Variants in LRMDA observed in about 807,000 individuals in gnomAD.
LRMDA encodes leucine-rich melanocyte differentiation-associated protein.
LRMDA carries 18 observed loss-of-function variants against 29.8 expected under a neutral mutation model. That is an observed-to-expected ratio of 0.60 (90% confidence interval 0.42 to 0.90). LRMDA has a LOEUF of 0.90. Ranked by LOEUF, LRMDA falls within the 40% of genes least tolerant of loss-of-function variation. The pLI is 0.00. For missense variants in LRMDA, 273 were observed against 273.9 expected (o/e 1.00, Z 0.02); for synonymous variants, 125 against 109.4 (o/e 1.14, Z -0.89).
chr10:76,477,813 A>G lies in LRMDA; in HGVS notation c.602-79396A>G, dbSNP rs1338672717. ...ACAAGAAATGGGGAAAGGATTCCCT[A>G]TTTAACAAATGGTGCTGGGAAAACT... On this transcript the variant is annotated intron_variant, in intron 6 of 6. Transcript: ENST00000611255. 5.3e-5 allele frequency among the ~76,000 whole-genome samples: 8 copies of G among 152,330 alleles called. No homozygotes were observed. In the South Asian group the frequency reaches 1.5e-3, roughly 28 times the overall value.
At chr10:75,655,857 C>T (rs1564532085) in intron 2 of LRMDA, among the ~76,000 whole-genome samples, 3 of 152,122 alleles carry the variant, frequency 2.0e-5, no homozygotes, top group South Asian at 2.1e-4. Flanking sequence ...TTGGTTCAAA[C>T]GTGTGTGGAG....
At chr10:76,478,205 G>GA (rs578191133) in intron 6 of LRMDA, among the ~76,000 whole-genome samples, 3,371 of 151,762 alleles carry the variant, frequency 0.022, 126 homozygotes, top group African/African-American at 0.076. Context: ...AAATTTACAA[G>GA]AAAAAAACAA....
At chr10:75,860,988 T>C (rs1844919662) in intron 2 of LRMDA, among the ~76,000 whole-genome samples, 1 of 152,184 alleles carries the variant, frequency 6.6e-6, no homozygotes, top group Non-Finnish European at 1.5e-5. Flanking sequence ...TTTATAGAAA[T>C]AAGGTTATAA....
At chr10:76,036,193 AC>A in intron 3 of LRMDA, 59 bp downstream of exon 3, 2 of 1,496,132 alleles carry the variant, frequency 1.3e-6, no homozygotes, top group Non-Finnish European at 1.8e-6. Context: ...TCGTCCCCCA[AC>A]CCCACCCTGC....
In LRMDA at chr10:76,194,660, T is replaced by A. The variant is rs781428160; in HGVS notation, c.517-129741T>A. On this transcript the variant is annotated intron_variant, in intron 5 of 6. Coordinates refer to ENST00000611255, the MANE Select transcript of LRMDA (RefSeq NM_001305581.2). ...CGTTAGGCTTTGTTCTCTCCAGTGC[T>A]TAAGTTATTCACTGGAAGTGCTCTA... Among the ~76,000 whole-genome samples, 99 of 152,318 alleles carry A rather than the reference T, an allele frequency of 6.5e-4. 2 individuals carry two copies. Among genetic ancestry groups the A allele is most frequent in the Non-Finnish European group, 3.8e-4 (26 of 68,026 alleles).
At chr10:75,864,042 A>G (rs1316832563) in intron 2 of LRMDA, among the ~76,000 whole-genome samples, 6 of 152,202 alleles carry the variant, frequency 3.9e-5, no homozygotes, top group African/African-American at 1.4e-4. Flanking sequence ...AGTGAACTAG[A>G]AGTCAATAGA....
intron 2 of LRMDA, among the ~76,000 whole-genome samples, chr10:75,714,470 T>C (rs1235015972): frequency 6.6e-6 from 1 of 152,200 alleles, no homozygotes; most frequent in Non-Finnish European, 1.5e-5. Context: ...TTTTCAAAGG[T>C]TGAAAATTTT....
chr10:76,194,213 G>A (rs1230129252), intron 5 of LRMDA, among the ~76,000 whole-genome samples: 1 of 152,206 alleles, frequency 6.6e-6, no homozygotes, highest in African/African-American at 2.4e-5. Flanking sequence ...GAACCACTGA[G>A]TTATTTCGGA....
chr10:75,752,734 T>A (rs1469205222), intron 2 of LRMDA, among the ~76,000 whole-genome samples: 3 of 152,132 alleles, frequency 2.0e-5, no homozygotes, highest in Non-Finnish European at 4.4e-5. Context: ...CTCAGTTTGT[T>A]AGGGTTGACA....
chr10:76,481,014 A>T (rs1370721221), intron 6 of LRMDA, among the ~76,000 whole-genome samples: 3 of 151,850 alleles, frequency 2.0e-5, no homozygotes, highest in African/African-American at 7.2e-5. Context: ...ATATTTTTGG[A>T]TCAATTTAGA....
chr10:75,957,718 T>C (rs1432354648), intron 2 of LRMDA, among the ~76,000 whole-genome samples: 1 of 152,076 alleles, frequency 6.6e-6, no homozygotes, highest in Non-Finnish European at 1.5e-5. Flanking sequence ...GAGGGTTCAT[T>C]TTCTTGAAAG....
chr10:75,620,270 T>A (rs1305980082), intron 2 of LRMDA, among the ~76,000 whole-genome samples: 1 of 152,222 alleles, frequency 6.6e-6, no homozygotes, highest in Non-Finnish European at 1.5e-5. Flanking sequence ...TGTTATGGAA[T>A]AAAAGTTGTA....
chr10:75,929,682 G>A (rs138403624), intron 2 of LRMDA, among the ~76,000 whole-genome samples: 1 of 152,208 alleles, frequency 6.6e-6, no homozygotes, highest in African/African-American at 2.4e-5. Flanking sequence ...GACCACTGTG[G>A]GTTAGTCTTT....
intron 6 of LRMDA, among the ~76,000 whole-genome samples, chr10:76,409,734 G>A (rs1458714898): frequency 1.3e-5 from 2 of 152,034 alleles, no homozygotes; most frequent in Non-Finnish European, 2.9e-5. Context: ...CAAGTGCATG[G>A]TCAACTTTAG....
intron 2 of LRMDA, among the ~76,000 whole-genome samples, chr10:75,967,469 A>G (rs1440968227): frequency 6.6e-6 from 1 of 152,202 alleles, no homozygotes; most frequent in Non-Finnish European, 1.5e-5. Flanking sequence ...ACAATAACGC[A>G]TATGTTATAA....
chr10:76,326,088 G>A (rs1840830451), intron 6 of LRMDA, among the ~76,000 whole-genome samples: 1 of 152,180 alleles, frequency 6.6e-6, no homozygotes, highest in Non-Finnish European at 1.5e-5. Flanking sequence ...CATTTAACAT[G>A]TTGGTTGCCT....
chr10:76,237,568 C>G (rs1589388271), intron 5 of LRMDA, among the ~76,000 whole-genome samples: 1 of 152,206 alleles, frequency 6.6e-6, no homozygotes, highest in South Asian at 2.1e-4. Context: ...CTGACATGCT[C>G]TTGGAATGTT....
intron 5 of LRMDA, among the ~76,000 whole-genome samples, chr10:76,292,806 T>C (rs1840358421): frequency 6.6e-6 from 1 of 151,894 alleles, no homozygotes; most frequent in South Asian, 2.1e-4. Context: ...ACAGTTAATA[T>C]AGAGAAGTGT....
chr10:76,128,442 A>T (rs1849924711), intron 5 of LRMDA, among the ~76,000 whole-genome samples: 1 of 152,178 alleles, frequency 6.6e-6, no homozygotes, highest in East Asian at 1.9e-4. Context: ...GTGGCCCCTG[A>T]CGTCAGCCCG....
Sources: allele counts gnomAD v4.1 joint callset (sites outside exome capture counted in the v4.1 genomes callset), GRCh38; gene constraint gnomAD v4.1.1; transcripts MANE v1.5; gene names NCBI Gene and HGNC (gene_info 2026-07-23, HGNC 2026-07-21).